The following ZNF804B variants were observed in gnomAD, a reference collection of about 807,000 sequenced individuals.
ZNF804B encodes zinc finger 804B.
Under a neutral mutation model 101.4 loss-of-function variants are expected in ZNF804B, and 80 were observed. The observed-to-expected ratio is 0.79, with a 90% CI of 0.66 to 0.95. The LOEUF (loss-of-function observed/expected upper bound fraction) is 0.95, where lower values mean the gene tolerates loss of function less well. Ranked by LOEUF, ZNF804B falls within the 40% of genes least tolerant of loss-of-function variation. The pLI is 0.00. For missense variants in ZNF804B, 1,673 were observed against 1,561.9 expected, an observed-to-expected ratio of 1.07 and a Z score of -1.20; for synonymous variants, 622 against 558.8, an observed-to-expected ratio of 1.11 and a Z score of -1.59.
chr7:89,114,459 A>G (rs1008618569), intron 1 of ZNF804B, among the ~76,000 whole-genome samples: 3 of 152,222 alleles, frequency 2.0e-5, no homozygotes, highest in Admixed American at 6.5e-5. Context: ...ATTGCAGCAC[A>G]TTTGAATCTC....
intron 1 of ZNF804B, among the ~76,000 whole-genome samples, chr7:89,124,954 T>G (rs1311386028): frequency 6.6e-6 from 1 of 152,104 alleles, no homozygotes; most frequent in Non-Finnish European, 1.5e-5. Context: ...GTTATGTTTT[T>G]TATTGCTCTC....
chr7:88,931,193 A>G (rs1792879951), intron 1 of ZNF804B, among the ~76,000 whole-genome samples: 2 of 151,940 alleles, frequency 1.3e-5, no homozygotes, highest in South Asian at 4.1e-4. Context: ...AACTATTCAT[A>G]AAATAATTCT....
Position 89,338,457 on chromosome 7 carries a change from A to C in ZNF804B, c.*1425A>C, listed in dbSNP as rs1791137794. On this transcript the variant is annotated 3_prime_UTR_variant, in exon 4 of 4. Transcript: ENST00000333190. ...TAAGGAAAATGAAATAGAAAGGTTA[A>C]ATACTAAATACTTGGTAAACAGTAG... Among the ~76,000 whole-genome samples, 1 of 152,076 alleles carries C rather than the reference A, an allele frequency of 6.6e-6. No individual in the cohort carries two copies. The highest frequency in any genetic ancestry group is 1.5e-5 in the Non-Finnish European group (1 of 67,944).
intron 2 of ZNF804B, among the ~76,000 whole-genome samples, chr7:89,296,825 T>G (rs1372690353): frequency 6.6e-6 from 1 of 152,114 alleles, no homozygotes; most frequent in Admixed American, 6.6e-5. Flanking sequence ...CACTTTCTGA[T>G]AGCTTTCTCC....
chr7:88,776,959 T>C (rs1790151310), intron 1 of ZNF804B, among the ~76,000 whole-genome samples: 1 of 152,092 alleles, frequency 6.6e-6, no homozygotes, highest in Non-Finnish European at 1.5e-5. Context: ...AGAAAAGAGT[T>C]AGTTGCTATT....
chr7:89,218,901 G>T (rs558052502), intron 2 of ZNF804B, among the ~76,000 whole-genome samples: 1 of 152,204 alleles, frequency 6.6e-6, no homozygotes, highest in Non-Finnish European at 1.5e-5. Context: ...GGGAGGAAGA[G>T]AAAGAGGAGG....
Position 89,334,654 on chromosome 7 carries a change from G to A in ZNF804B, c.1672G>A (p.Asp558Asn), listed in dbSNP as rs1016450339. Residue 558 changes from aspartate (D) to asparagine (N), a missense_variant, in exon 4 of 4, where the codon GAT becomes AAT. Asp to Asn is a conservative substitution (Grantham distance 23). Coordinates refer to ENST00000333190, the MANE Select transcript of ZNF804B (RefSeq NM_181646.5). Reference protein sequence around the residue: ...FQRKYNLDYSDSEPNKSEYTF... With the variant: ...FQRKYNLDYSNSEPNKSEYTF... The stretch of plus-strand genomic sequence containing the variant: ...GAGGAAATATAATTTGGACTACAGT[G>A]ATTCTGAGCCAAATAAGAGTGAATA... The A allele has an allele frequency of 1.2e-6, 2 of 1,613,670 alleles. No individual in the cohort carries two copies. Among genetic ancestry groups the A allele is most frequent in the African/African-American group, 2.7e-5 (2 of 74,914 alleles).
chr7:88,923,296 G>A (rs902947151), intron 1 of ZNF804B, among the ~76,000 whole-genome samples: 1 of 152,072 alleles, frequency 6.6e-6, no homozygotes, highest in Non-Finnish European at 1.5e-5. Flanking sequence ...TTTCTCATCA[G>A]TGGACCAAGA....
At chr7:88,963,452 A>G (rs972935399) in intron 1 of ZNF804B, among the ~76,000 whole-genome samples, 8 of 151,344 alleles carry the variant, frequency 5.3e-5, no homozygotes, top group East Asian at 3.9e-4. Flanking sequence ...GCTAGGAAAC[A>G]TGGCTATCCA....
chr7:88,868,169 G>A (rs868142391), intron 1 of ZNF804B, among the ~76,000 whole-genome samples: 3 of 151,608 alleles, frequency 2.0e-5, no homozygotes, highest in Middle Eastern at 3.4e-3. Context: ...AATGTCGAAG[G>A]TAGTACATAG....
intron 1 of ZNF804B, among the ~76,000 whole-genome samples, chr7:89,014,216 TTTTTTTTC>T (rs1788505455): frequency 6.6e-6 from 1 of 152,074 alleles, no homozygotes; most frequent in Admixed American, 6.5e-5. Context: ...CCAACATTAA[TTTTTTTTC>T]TTTTTGATAA....
intron 1 of ZNF804B, among the ~76,000 whole-genome samples, chr7:89,115,201 A>G (rs1050243366): frequency 6.6e-6 from 1 of 152,196 alleles, no homozygotes; most frequent in African/African-American, 2.4e-5. Context: ...TTCCCGAATG[A>G]AAGAGGGTTT....
At chr7:89,189,272 A>C (rs755339746) in intron 1 of ZNF804B, among the ~76,000 whole-genome samples, 5 of 152,164 alleles carry the variant, frequency 3.3e-5, no homozygotes, top group African/African-American at 7.2e-5. Context: ...CAGAAAAAAA[A>C]AGATTAATTT....
chr7:89,170,803 C>T (rs1181541949), intron 1 of ZNF804B, among the ~76,000 whole-genome samples: 1 of 152,238 alleles, frequency 6.6e-6, no homozygotes, highest in African/African-American at 2.4e-5. Flanking sequence ...GTGCCACCAC[C>T]AGCAGCACAC....
chr7:89,028,164 A>G (rs1472060960), intron 1 of ZNF804B, among the ~76,000 whole-genome samples: 1 of 152,198 alleles, frequency 6.6e-6, no homozygotes, highest in Non-Finnish European at 1.5e-5. Context: ...AAATGTCAAT[A>G]TATAACAAAT....
At chr7:89,217,317 A>G (rs1485602039) in intron 1 of ZNF804B, among the ~76,000 whole-genome samples, 1 of 152,230 alleles carries the variant, frequency 6.6e-6, no homozygotes, top group Non-Finnish European at 1.5e-5. Flanking sequence ...GGAGCCAGGC[A>G]TAGGTTGTTT....
intron 1 of ZNF804B, among the ~76,000 whole-genome samples, chr7:89,195,309 A>G (rs1196916079): frequency 0.037 from 3,434 of 93,766 alleles, no homozygotes; most frequent in Admixed American, 0.063. Flanking sequence ...CACCATTCCT[A>G]TTCAACATAG....
At chr7:89,275,239 G>A (rs1789961495) in intron 2 of ZNF804B, among the ~76,000 whole-genome samples, 2 of 151,924 alleles carry the variant, frequency 1.3e-5, no homozygotes, top group South Asian at 4.1e-4. Flanking sequence ...ATGAAATCAG[G>A]AAAACATGTT....
rs564329576 is a variant in ZNF804B, at chr7:89,158,611, T to C, written c.109-59544T>C. Among the ~76,000 whole-genome samples, 4 of 152,322 alleles carry C rather than the reference T, an allele frequency of 2.6e-5. No individual in the cohort carries two copies. The East Asian group carries it at 7.7e-4, about 29-fold the overall frequency. ...GAATAGAATACAAATCTTCTTCATC[T>C]TGCTTAAATACCTAGTTTTTCTCGA... On this transcript the variant is annotated intron_variant, in intron 1 of 3. Coordinates refer to ENST00000333190, the MANE Select transcript of ZNF804B (RefSeq NM_181646.5).
Sources: gnomAD v4.1 joint callset for allele counts (sites outside exome capture counted in the v4.1 genomes callset) on GRCh38, gnomAD v4.1.1 for gene constraint, MANE v1.5 for transcripts, NCBI Gene and HGNC (gene_info 2026-07-23, HGNC 2026-07-21) for gene names.